Variants in KCNH3 observed in about 807,000 individuals in gnomAD.
The protein encoded by KCNH3 is voltage-gated inwardly rectifying potassium channel KCNH3.
A neutral mutation model predicts 95.6 loss-of-function variants in KCNH3; 36 were observed. The ratio of observed to expected loss-of-function variants is 0.38; its 90% CI spans 0.29 to 0.50. The LOEUF is 0.50. Ranked by LOEUF, KCNH3 falls within the 20% of genes least tolerant of loss-of-function variation. KCNH3 has a pLI of 0.95. For synonymous variants in KCNH3, 620 were observed against 646.3 expected, an observed-to-expected ratio of 0.96 and a Z score of 0.62; for missense variants, 1,030 against 1,484.1, an observed-to-expected ratio of 0.69 and a Z score of 5.03.
rs546287258 is a variant in KCNH3 at position 49,549,252 on chromosome 12, G to C, written c.1468+79G>C. ...GGCGGCGCCGTCCCACTCCCCGGAG[G>C]GCCTGAGGCCGGGGGCTCTTCCGCT... is the stretch of plus-strand genomic sequence containing the variant. On this transcript the variant is annotated intron_variant, in intron 8 of 14. Transcript: ENST00000257981. 1.8e-5 allele frequency: 27 copies of C among 1,500,512 alleles called. No homozygotes were observed. The African/African-American group carries it at 3.2e-4, about 18-fold the overall frequency. The allele number at this position is 1,500,512 out of a possible 1,614,324, so 92.9% of individuals were successfully genotyped here. A position where few individuals can be genotyped will look rare whatever the true frequency, so the allele number is the denominator to read the frequency against.
intron 10 of KCNH3, among the ~76,000 whole-genome samples, chr12:49,553,278 G>T (rs544018388): frequency 1.3e-5 from 2 of 152,246 alleles, no homozygotes; most frequent in South Asian, 4.1e-4. Context: ...TGAGATTGCA[G>T]GTGCACACCA....
intron 6 of KCNH3, 35 bp downstream of exon 6, chr12:49,544,107 T>C (rs1937968719): frequency 6.2e-7 from 1 of 1,605,916 alleles, no homozygotes; most frequent in Non-Finnish European, 8.5e-7. Flanking sequence ...TGGGTGGGCT[T>C]GGCCAGGGGA....
At chr12:49,557,045 G>C (rs1365963805) in intron 13 of KCNH3, 138 bp from the exon 14 acceptor site, 1 of 839,814 alleles carries the variant, frequency 1.2e-6, no homozygotes, top group Non-Finnish European at 1.9e-6. Flanking sequence ...TCAGCACCTT[G>C]GGCAAGGCCA....
At chr12:49,552,056 A>G (rs1055943347) in intron 10 of KCNH3, among the ~76,000 whole-genome samples, 4 of 152,316 alleles carry the variant, frequency 2.6e-5, no homozygotes, top group Non-Finnish European at 5.9e-5. Flanking sequence ...CATGCGGTTT[A>G]TGCCAGCATG....
Position 49,557,923 on chromosome 12 carries a change from G to T in KCNH3, c.3222G>T (p.Gln1074His), listed in dbSNP as rs766253987. 2.0e-6 allele frequency: 3 copies of T among 1,512,812 alleles called. No individual in the cohort carries two copies. The highest frequency in any genetic ancestry group is 1.8e-6 in the Non-Finnish European group (2 of 1,130,804). 93.7% of individuals were successfully genotyped at this position (1,512,812 alleles called of 1,614,324 possible). A position where few individuals can be genotyped will look rare whatever the true frequency, so the allele number is the denominator to read the frequency against. ...GCTGCCATGGCTCTGGCACAGTCCA[G>T]TGGACCCAGGAAGAAGGCACAGGGG... is the stretch of plus-strand genomic sequence containing the variant. ...LIGCHGSGTVQWTQEEGTGV is the reference protein window; with the variant it reads ...LIGCHGSGTVHWTQEEGTGV The change falls in exon 15 of 15, where the codon CAG becomes CAT. Residue 1074 changes from glutamine to histidine, a missense_variant. By Grantham distance (24) the Gln-to-His change is conservative. Transcript: ENST00000257981.
Position 49,557,625 on chromosome 12 carries a change from G to T in KCNH3, c.2924G>T (p.Trp975Leu), listed in dbSNP as rs747311449. The T allele has an allele frequency of 6.2e-7, 1 of 1,613,412 alleles. No individual in the cohort carries two copies. The highest frequency in any genetic ancestry group is 2.2e-5 in the East Asian group (1 of 44,878). The change falls in exon 15 of 15, where the codon TGG (tryptophan) becomes TTG (leucine). Residue 975 changes from tryptophan to leucine, a missense_variant. By Grantham distance (61) the Trp-to-Leu change is moderately conservative. This residue lies in a region of KCNH3 where 464 missense variants were observed against 493.2 expected (regional missense o/e 0.94). Coordinates refer to ENST00000257981, the MANE Select transcript of KCNH3 (RefSeq NM_012284.3). ...GGGCCTCCTCCCCTCATGGCACCCT[G>T]GCCCTGGGGTCCCCCAGCGTCTCAG... is the stretch of plus-strand genomic sequence containing the variant. ...RPGPPPLMAP[W>L]PWGPPASQSS...
At chr12:49,548,105 T>C (rs1938125092) in intron 7 of KCNH3, among the ~76,000 whole-genome samples, 1 of 132,120 alleles carries the variant, frequency 7.6e-6, no homozygotes, top group Non-Finnish European at 1.5e-5. Context: ...CGTGTGTGTG[T>C]GTGTGTGTGT....
chr12:49,553,956 TAGAG>T (rs973449907), intron 10 of KCNH3, among the ~76,000 whole-genome samples: 1 of 152,180 alleles, frequency 6.6e-6, no homozygotes, highest in African/African-American at 2.4e-5. Flanking sequence ...ACGCTGTAGG[TAGAG>T]ATAGGGCCTG....
chr12:49,554,300 C>A (rs778257705), intron 10 of KCNH3, 37 bp from the exon 11 acceptor site: 2 of 1,544,282 alleles, frequency 1.3e-6, no homozygotes, highest in East Asian at 4.5e-5. Flanking sequence ...ATGGCTGAAG[C>A]TCTCAGGGCT....
At chr12:49,547,432 A>G (rs1156365872) in intron 7 of KCNH3, among the ~76,000 whole-genome samples, 1 of 152,226 alleles carries the variant, frequency 6.6e-6, no homozygotes, top group Non-Finnish European at 1.5e-5. Context: ...TCTTTGTATC[A>G]AAACCCTACT....
At position 49,539,555 on chromosome 12, in the gene KCNH3, C is replaced by T. The variant is rs1041744111; in HGVS notation, c.76+63C>T. The T allele has an allele frequency of 8.9e-5, 127 of 1,424,630 alleles. No homozygotes were observed. The highest frequency in any genetic ancestry group is 1.2e-4 in the Non-Finnish European group (120 of 1,038,512). 88.2% of individuals were successfully genotyped at this position (1,424,630 alleles called of 1,614,324 possible). On this transcript the variant is annotated intron_variant, in intron 1 of 14. Coordinates refer to ENST00000257981, the MANE Select transcript of KCNH3 (RefSeq NM_012284.3). The surrounding 1 kb of genome is among the most constrained non-coding windows in gnomAD (Gnocchi z 6.7). ...GGACCCTCGCCAGGGCTCCCGCCTT[C>T]CCCGAACCCCCAGCAGCCCAGCTTG... is the stretch of plus-strand genomic sequence containing the variant.
intron 12 of KCNH3, 135 bp downstream of exon 12, chr12:49,556,086 C>T (rs1431832737): frequency 1.7e-6 from 1 of 603,270 alleles, no homozygotes; most frequent in East Asian, 2.8e-5. Flanking sequence ...CTGCCTCCTC[C>T]AGGAAGCCTT....
chr12:49,546,029 A>C (rs976211003), intron 7 of KCNH3: 4 of 151,732 alleles, frequency 2.6e-5, no homozygotes, highest in African/African-American at 7.3e-5. Flanking sequence ...ACCACCCCCA[A>C]AGTGGGCTGA....
chr12:49,550,056 A>ACC, intron 9 of KCNH3, 24 bp from the exon 10 acceptor site: 1 of 565,424 alleles, frequency 1.8e-6, no homozygotes, highest in Non-Finnish European at 2.7e-6. Flanking sequence ...CAACCCCCCC[A>ACC]CCCCCGCACC....
intron 12 of KCNH3, 186 bp downstream of exon 12, chr12:49,556,137 G>C (rs374111470): frequency 1.7e-6 from 1 of 595,946 alleles, no homozygotes; most frequent in East Asian, 2.8e-5. Flanking sequence ...TCCACTGTGT[G>C]GTGTGTGGCA....
At chr12:49,546,608 T>C (rs1938069593) in intron 7 of KCNH3, among the ~76,000 whole-genome samples, 1 of 152,210 alleles carries the variant, frequency 6.6e-6, no homozygotes, top group Admixed American at 6.5e-5. Flanking sequence ...AAGACTGTGC[T>C]GAGTATTGAG....
rs1401876371 is a variant in KCNH3, at chr12:49,544,240, G to A, written c.1047G>A (p.Leu349=). The change falls in exon 7 of 15, where the codon CTG becomes CTA. Residue 349 remains leucine (L), a synonymous_variant. Transcript: ENST00000257981. ...LLRLLRLLPR[L]DRYSQYSAVV... is the part of the protein sequence containing the mutation. ...GCCTGCTGCGCCTGCTTCCGCGGCT[G>A]GACCGGTACTCGCAGTACAGCGCCG... 1.2e-6 allele frequency: 2 copies of A among 1,600,598 alleles called. No individual in the cohort carries two copies. Among genetic ancestry groups the A allele is most frequent in the Non-Finnish European group, 1.7e-6 (2 of 1,175,952 alleles).
chr12:49,549,745 C>T lies in KCNH3; in HGVS notation c.1668+105C>T, dbSNP rs191590141. 2.4e-5 allele frequency: 26 copies of T among 1,093,722 alleles called. No homozygotes were observed. In the African/African-American group the frequency reaches 3.6e-4, roughly 15 times the overall value. The allele number at this position is 1,093,722 out of a possible 1,614,324, so 67.8% of individuals were successfully genotyped here. A position where few individuals can be genotyped will look rare whatever the true frequency, so the allele number is the denominator to read the frequency against. ...GAGGATGAATGCAGAATTTTGGCCC[C>T]TGTGCCTCCCTTCTCTCTTGAGGGG... On this transcript the variant is annotated intron_variant, in intron 9 of 14. Coordinates refer to ENST00000257981, the MANE Select transcript of KCNH3 (RefSeq NM_012284.3).
Position 49,554,368 on chromosome 12 carries a change from C to A in KCNH3, c.1950C>A (p.Pro650=). The change falls in exon 11 of 15, where the codon CCC becomes CCA. Residue 650 remains proline (P), a synonymous_variant. Transcript: ENST00000257981. ...GCGACCTGATCGGCTGTGAGCTGCC[C>A]CGGCGGGAGCAGGTGGTAAAGGCCA... ...GKGDLIGCEL[P]RREQVVKANA... 4 of 1,613,386 alleles carry A rather than the reference C, an allele frequency of 2.5e-6. No individual in the cohort carries two copies. Among genetic ancestry groups the A allele is most frequent in the Non-Finnish European group, 3.4e-6 (4 of 1,180,036 alleles).
Sources: gnomAD v4.1 joint callset for allele counts (sites outside exome capture counted in the v4.1 genomes callset) on GRCh38, gnomAD v4.1.1 for gene constraint, gnomAD v4.1.1 regional missense constraint, Gnocchi (gnomAD v3.1) non-coding constraint, MANE v1.5 for transcripts, NCBI Gene and HGNC (gene_info 2026-07-23, HGNC 2026-07-21) for gene names.